The following DPH6 variants were observed in gnomAD, a reference collection of about 807,000 sequenced individuals.
DPH6 encodes diphthamine biosynthesis 6, also known as diphthine--ammonia ligase.
DPH6 carries 33 observed loss-of-function variants against 38.2 expected under a neutral mutation model. The ratio of observed to expected loss-of-function variants is 0.86; its 90% CI spans 0.65 to 1.15. The LOEUF is 1.15. Ranked by LOEUF, DPH6 falls within the 50% of genes most tolerant of loss-of-function variation. DPH6 has a pLI of 0.00. For missense variants in DPH6, 325 were observed against 320.0 expected (o/e 1.02, Z -0.12); for synonymous variants, 108 against 103.0 (o/e 1.05, Z -0.30).
At chr15:35,227,229 G>A (rs1042541638) in intron 3 of DPH6, among the ~76,000 whole-genome samples, 3 of 136,222 alleles carry the variant, frequency 2.2e-5, no homozygotes, top group Non-Finnish European at 4.6e-5. Context: ...TGTCACCCAG[G>A]CTGGAGTGCA....
At chr15:35,145,576 CAAAT>C in the DPH6 span, among the ~76,000 whole-genome samples, 6 of 152,286 alleles carry the variant, frequency 3.9e-5, no homozygotes, top group Non-Finnish European at 7.4e-5. Flanking sequence ...GCGCAGAAAA[CAAAT>C]GTTCCCTGTT....
chr15:35,545,928 CGCCA>C (rs1222169946), intron 1 of DPH6, among the ~76,000 whole-genome samples, 187 bp downstream of exon 1: 2 of 152,286 alleles, frequency 1.3e-5, no homozygotes, highest in African/African-American at 4.8e-5. Context: ...GGAGGAGGCG[CGCCA>C]GCCAGGGGCC....
At chr15:35,313,716 T>C (rs1295375247) in intron 3 of DPH6, among the ~76,000 whole-genome samples, 1 of 152,190 alleles carries the variant, frequency 6.6e-6, no homozygotes. Context: ...TCTAACATTA[T>C]TTTGGTGGCA....
the DPH6 span, among the ~76,000 whole-genome samples, chr15:35,189,683 C>A: frequency 1.3e-5 from 2 of 152,048 alleles, no homozygotes; most frequent in African/African-American, 4.8e-5. Flanking sequence ...ATGTTAGAGT[C>A]TAAGTCTTCT....
intron 3 of DPH6, among the ~76,000 whole-genome samples, chr15:35,239,877 C>T (rs565290152): frequency 7.1e-6 from 1 of 141,126 alleles, no homozygotes; most frequent in East Asian, 2.3e-4. Context: ...GACCTCTTAT[C>T]TCTGTGCCCC....
At chr15:35,354,483 A>T (rs1365328323) in intron 3 of DPH6, among the ~76,000 whole-genome samples, 1 of 152,224 alleles carries the variant, frequency 6.6e-6, no homozygotes, top group African/African-American at 2.4e-5. Flanking sequence ...GAGAGTTTTT[A>T]GCATGAAGCG....
chr15:35,184,925 A>C, the DPH6 span, among the ~76,000 whole-genome samples: 1 of 152,196 alleles, frequency 6.6e-6, no homozygotes, highest in African/African-American at 2.4e-5. Context: ...AGAGGTTTTA[A>C]AGATTTTCCC....
At chr15:35,157,203 T>C in the DPH6 span, among the ~76,000 whole-genome samples, 1 of 152,160 alleles carries the variant, frequency 6.6e-6, no homozygotes, top group Non-Finnish European at 1.5e-5. Flanking sequence ...TGCTCTAATT[T>C]TTCTGTTTCT....
intron 5 of DPH6, among the ~76,000 whole-genome samples, chr15:35,428,529 G>A (rs1465833178): frequency 6.6e-6 from 1 of 152,092 alleles, no homozygotes; most frequent in East Asian, 1.9e-4. Flanking sequence ...ACATGCAGTA[G>A]AATCTTGAAG....
intron 6 of DPH6, among the ~76,000 whole-genome samples, chr15:35,398,482 G>A (rs1274956375): frequency 6.6e-6 from 1 of 152,226 alleles, no homozygotes; most frequent in East Asian, 1.9e-4. Flanking sequence ...GGTTCAGAGA[G>A]CTTCCAGATC....
chr15:35,275,875 T>C (rs2140431333), intron 3 of DPH6, among the ~76,000 whole-genome samples: 1 of 152,270 alleles, frequency 6.6e-6, no homozygotes, highest in East Asian at 1.9e-4. Flanking sequence ...TAGTTTCACA[T>C]TTTTGCAATT....
intron 3 of DPH6, among the ~76,000 whole-genome samples, chr15:35,338,834 A>T (rs1350075564): frequency 6.6e-6 from 1 of 152,232 alleles, no homozygotes; most frequent in African/African-American, 2.4e-5. Flanking sequence ...CATATACACC[A>T]TGGAATACTA....
intron 3 of DPH6, among the ~76,000 whole-genome samples, chr15:35,340,070 G>A (rs1384425164): frequency 7.2e-5 from 11 of 152,058 alleles, no homozygotes; most frequent in Admixed American, 7.2e-4. Context: ...CCTTTGTTGG[G>A]TGCATATATG....
At chr15:35,448,449 TTTGA>T (rs1489040172) in intron 5 of DPH6, among the ~76,000 whole-genome samples, 1 of 152,160 alleles carries the variant, frequency 6.6e-6, no homozygotes, top group African/African-American at 2.4e-5. Context: ...TTGTCTTGAA[TTTGA>T]TTGTGAAATA....
chr15:35,262,481 G>C (rs1158335451), intron 3 of DPH6, among the ~76,000 whole-genome samples: 1 of 151,898 alleles, frequency 6.6e-6, no homozygotes, highest in Non-Finnish European at 1.5e-5. Context: ...CCGAGGCAGG[G>C]GGATCACCAG....
chr15:35,397,691 C>A (rs1476151985), intron 6 of DPH6, among the ~76,000 whole-genome samples: 2 of 152,084 alleles, frequency 1.3e-5, no homozygotes, highest in Non-Finnish European at 2.9e-5. Flanking sequence ...CACTAATTAA[C>A]AAGCAGTCAG....
intron 3 of DPH6, among the ~76,000 whole-genome samples, chr15:35,283,838 G>A (rs922094593): frequency 7.9e-5 from 12 of 151,018 alleles, no homozygotes; most frequent in South Asian, 4.2e-4. Flanking sequence ...AATGACTTTC[G>A]ACATCCAATA....
chr15:35,437,421 C>T (rs73380714), intron 5 of DPH6, among the ~76,000 whole-genome samples: 4,817 of 152,242 alleles, frequency 0.032, 247 homozygotes, highest in African/African-American at 0.11. Flanking sequence ...TTTCCCAAAC[C>T]TTAAACTGGT....
At chr15:35,349,825 G>A (rs2052494582) in intron 3 of DPH6, among the ~76,000 whole-genome samples, 1 of 152,092 alleles carries the variant, frequency 6.6e-6, no homozygotes, top group Non-Finnish European at 1.5e-5. Flanking sequence ...AAAGTAATTG[G>A]TGTAACTCTT....
Sources: gnomAD v4.1 joint callset for allele counts (sites outside exome capture counted in the v4.1 genomes callset) on GRCh38, gnomAD v4.1.1 for gene constraint, MANE v1.5 for transcripts, NCBI Gene and HGNC (gene_info 2026-07-23, HGNC 2026-07-21) for gene names.